The following ZNF677 variants were observed in gnomAD, a reference collection of about 807,000 sequenced individuals.
ZNF677 encodes the protein hypothetical protein MGC48625.
In ZNF677, 5 loss-of-function variants were observed where a neutral mutation model predicts 8.1. The ratio of observed to expected loss-of-function variants is 0.62; its 90% confidence interval spans 0.32 to 1.29. ZNF677 has a LOEUF of 1.29. ZNF677 is among the 50% of genes most tolerant of loss of function. The pLI is 0.05. For synonymous variants in ZNF677, 221 were observed against 225.6 expected, an observed-to-expected ratio of 0.98 and a Z score of 0.18; for missense variants, 685 against 685.9, an observed-to-expected ratio of 1.00 and a Z score of 0.01.
At chr19:53,245,084 CAAATAA>C (rs2146950328) in intron 3 of ZNF677, among the ~76,000 whole-genome samples, 1 of 152,150 alleles carries the variant, frequency 6.6e-6, no homozygotes, top group African/African-American at 2.4e-5. Flanking sequence ...TCTTATGCCA[CAAATAA>C]AAATAAACTC....
chr19:53,241,144 A>C (rs2091043348), intron 4 of ZNF677: 1 of 152,200 alleles, frequency 6.6e-6, no homozygotes, highest in Admixed American at 6.5e-5. Flanking sequence ...TACTCAAGGA[A>C]GAAATCTTCT....
chr19:53,238,447 AATTGTTG>A lies in ZNF677; in HGVS notation c.273_279del (p.Asn92LeufsTer21), dbSNP rs1297399789. 6.2e-7 allele frequency: 1 copy of A among 1,613,760 alleles called. No individual in the cohort carries two copies. The highest frequency in any genetic ancestry group is 8.5e-7 in the Non-Finnish European group (1 of 1,179,914). On this transcript the variant is annotated frameshift_variant, in exon 5 of 5. Coordinates refer to ENST00000598513, the MANE Select transcript of ZNF677 (RefSeq NM_182609.4). LOFTEE classifies it low-confidence loss of function (END_TRUNC). ...TTTTCCCAGACTTCCTTGAGGTCAA[AATTGTTG>A]ATGCCATGGCTTTCCTTTCTTTCTA... is the stretch of plus-strand genomic sequence containing the variant.
At chr19:53,248,307 A>C (rs2091179208) in intron 3 of ZNF677, among the ~76,000 whole-genome samples, 1 of 152,238 alleles carries the variant, frequency 6.6e-6, no homozygotes, top group African/African-American at 2.4e-5. Context: ...TAACAGATTT[A>C]CAATTACTGT....
At chr19:53,250,312 C>T (rs528751365) in intron 3 of ZNF677, among the ~76,000 whole-genome samples, 1 of 152,138 alleles carries the variant, frequency 6.6e-6, no homozygotes, top group African/African-American at 2.4e-5. Context: ...CCTCAAAGAT[C>T]GAAAAACAGA....
chr19:53,248,834 G>A (rs973936660), intron 3 of ZNF677, among the ~76,000 whole-genome samples: 19 of 152,216 alleles, frequency 1.2e-4, no homozygotes, highest in African/African-American at 4.6e-4. Flanking sequence ...ACAGATTCAT[G>A]TTCTTTATAT....
At chr19:53,254,340 C>A (rs1245694663) in intron 1 of ZNF677, among the ~76,000 whole-genome samples, 1 of 152,136 alleles carries the variant, frequency 6.6e-6, no homozygotes, top group East Asian at 1.9e-4. Flanking sequence ...CCCTTCCTCT[C>A]CTTCTCTGAC....
chr19:53,243,560 T>A, intron 4 of ZNF677, 184 bp downstream of exon 4: 2 of 728,872 alleles, frequency 2.7e-6, no homozygotes, highest in Non-Finnish European at 4.4e-6. Context: ...CAAACCTGAT[T>A]ATGCGCAGAA....
chr19:53,252,686 GCT>G (rs1437201452), intron 2 of ZNF677, among the ~76,000 whole-genome samples: 1 of 152,164 alleles, frequency 6.6e-6, no homozygotes, highest in African/African-American at 2.4e-5. Flanking sequence ...GAACAGACGG[GCT>G]CTGTTGGAAC....
At chr19:53,241,685 G>A (rs1348126088) in intron 4 of ZNF677, 12 of 389,906 alleles carry the variant, frequency 3.1e-5, no homozygotes, top group East Asian at 2.9e-4. Flanking sequence ...TTATCCCTCC[G>A]GCTGTCCTGA....
Position 53,238,199 on chromosome 19 carries a change from T to G in ZNF677, c.528A>C (p.Ile176=). 1 of 1,613,946 alleles carries G rather than the reference T, an allele frequency of 6.2e-7. No individual in the cohort carries two copies. Among genetic ancestry groups the G allele is most frequent in the Non-Finnish European group, 8.5e-7 (1 of 1,179,946 alleles). Residue 176 remains isoleucine, a synonymous_variant, in exon 5 of 5, where the codon ATA becomes ATC. Coordinates refer to ENST00000598513, the MANE Select transcript of ZNF677 (RefSeq NM_182609.4). ...IRNLLKLKNN[I]RYAGNKYVKC... ...TCACGTATTTGTTTCCGGCATACCT[T>G]ATGTTATTTTTCAGTTTTAACAAAT...
At position 53,236,194 on chromosome 19, in the gene ZNF677, ACT is replaced by A. The variant is rs1422618807; in HGVS notation, c.*776_*777del. 1 of 152,026 alleles carries A rather than the reference ACT, an allele frequency of 6.6e-6. No individual in the cohort carries two copies. Among genetic ancestry groups the A allele is most frequent in the Non-Finnish European group, 1.5e-5 (1 of 68,016 alleles). 9.4% of individuals were successfully genotyped at this position (152,026 alleles called of 1,614,324 possible). On this transcript the variant is annotated 3_prime_UTR_variant, in exon 5 of 5. Coordinates refer to ENST00000598513, the MANE Select transcript of ZNF677 (RefSeq NM_182609.4). ...ACTCCAGCCTGGGTGACAGAGCAAG[ACT>A]CTGTCTCCAAAAAAAGAAAAAATTA...
At chr19:53,244,830 C>T (rs1006366576) in intron 3 of ZNF677, among the ~76,000 whole-genome samples, 3 of 152,168 alleles carry the variant, frequency 2.0e-5, no homozygotes, top group African/African-American at 7.2e-5. Flanking sequence ...TGGAGTATCA[C>T]ACTTCCTGAT....
Position 53,236,749 on chromosome 19 carries a change from T to A in ZNF677, c.*223A>T. The A allele has an allele frequency of 2.5e-6, 1 of 392,656 alleles. No homozygotes were observed. The highest frequency in any genetic ancestry group is 4.5e-6 in the Non-Finnish European group (1 of 222,184). 24.3% of individuals were successfully genotyped at this position (392,656 alleles called of 1,614,324 possible). A position where few individuals can be genotyped will look rare whatever the true frequency, so the allele number is the denominator to read the frequency against. On this transcript the variant is annotated 3_prime_UTR_variant, in exon 5 of 5. Transcript: ENST00000598513. Reference sequence around the variant, plus strand: ...AACCATAATAGGGTAAATATTTTTATAAAGCTGTTCACATTCATTATATTT... The same window carrying A: ...AACCATAATAGGGTAAATATTTTTAAAAAGCTGTTCACATTCATTATATTT...
chr19:53,252,973 T>C (rs2091258185), intron 2 of ZNF677, 113 bp downstream of exon 2: 1 of 151,930 alleles, frequency 6.6e-6, no homozygotes, highest in African/African-American at 2.4e-5. Flanking sequence ...AAACAGTTGA[T>C]TAACACATAT....
chr19:53,245,760 T>C (rs939858618), intron 3 of ZNF677, among the ~76,000 whole-genome samples: 1 of 152,098 alleles, frequency 6.6e-6, no homozygotes, highest in Non-Finnish European at 1.5e-5. Context: ...ACACCTGTAA[T>C]CCCAGCACTT....
chr19:53,250,415 A>G (rs2091216375), intron 3 of ZNF677, among the ~76,000 whole-genome samples: 1 of 152,220 alleles, frequency 6.6e-6, no homozygotes, highest in African/African-American at 2.4e-5. Context: ...TAGCGAAGAC[A>G]TGGAATCAAC....
At chr19:53,249,318 G>C (rs1484514083) in intron 3 of ZNF677, 1 of 152,116 alleles carries the variant, frequency 6.6e-6, no homozygotes, top group Non-Finnish European at 1.5e-5. Flanking sequence ...GCTTCAAATT[G>C]CCCAACCTGG....
At chr19:53,241,797 T>G (rs2091053480) in intron 4 of ZNF677, 1 of 398,516 alleles carries the variant, frequency 2.5e-6, no homozygotes, top group South Asian at 1.3e-4. Flanking sequence ...ATTAATGTTC[T>G]CTTTCAAGAA....
chr19:53,237,882 T>C lies in ZNF677; in HGVS notation c.845A>G (p.Gln282Arg). 1 of 1,613,452 alleles carries C rather than the reference T, an allele frequency of 6.2e-7. No individual in the cohort carries two copies. The highest frequency in any genetic ancestry group is 8.5e-7 in the Non-Finnish European group (1 of 1,179,968). ...FSKSSNLTNH[Q>R]RIHSGQRPYK... ...AGGTCTCTGTCCAGAGTGAATTCTCTGATGATTAGTGAGGTTCGAACTTTT... is the reference window on the plus strand; with the variant it reads ...AGGTCTCTGTCCAGAGTGAATTCTCCGATGATTAGTGAGGTTCGAACTTTT... The change falls in exon 5 of 5, where the codon CAG becomes CGG. Residue 282 changes from glutamine to arginine, a missense_variant. Gln to Arg is a conservative substitution (Grantham distance 43). Coordinates refer to ENST00000598513, the MANE Select transcript of ZNF677 (RefSeq NM_182609.4).
Sources: allele counts gnomAD v4.1 joint callset (sites outside exome capture counted in the v4.1 genomes callset), GRCh38; gene constraint gnomAD v4.1.1; transcripts MANE v1.5; gene names NCBI Gene and HGNC (gene_info 2026-07-23, HGNC 2026-07-21).